HERC4: variants seen among roughly 807,000 people sequenced by gnomAD.
HERC4 encodes HECT and RLD domain containing E3 ubiquitin protein ligase 4.
In HERC4, 28 loss-of-function variants were observed where a neutral mutation model predicts 124.3. That is an observed-to-expected ratio of 0.23 (90% confidence interval 0.17 to 0.31). The LOEUF is 0.31. Among genes scored for constraint, HERC4 ranks in the 10% least tolerant of loss-of-function variants. The probability of loss-of-function intolerance (pLI) is 1.00; values close to 1 mark genes in which losing one functional copy is unlikely to be tolerated. For missense variants in HERC4, 713 were observed against 1,229.3 expected (o/e 0.58, Z 6.28); for synonymous variants, 407 against 421.5 (o/e 0.97, Z 0.42).
chr10:68,056,631 T>C (rs1397317864), intron 3 of HERC4, among the ~76,000 whole-genome samples: 2 of 152,102 alleles, frequency 1.3e-5, no homozygotes, highest in Non-Finnish European at 2.9e-5. Flanking sequence ...ACAGAGAAAC[T>C]GAAATATACC....
At chr10:67,925,446 T>A (rs1172454974) in intron 23 of HERC4, among the ~76,000 whole-genome samples, 1 of 152,168 alleles carries the variant, frequency 6.6e-6, no homozygotes, top group Non-Finnish European at 1.5e-5. Context: ...AAAGAGAAAC[T>A]AGATAAAATA....
Position 67,990,884 on chromosome 10 carries a change from A to G in HERC4, c.1443+20T>C, listed in dbSNP as rs2036515009. ...AAAATCAACAGATAATACTGTAAACATAATACTTTAAAAACAGACCTGCTG... is the reference window on the plus strand; with the variant it reads ...AAAATCAACAGATAATACTGTAAACGTAATACTTTAAAAACAGACCTGCTG... On this transcript the variant is annotated intron_variant, in intron 13 of 24. Coordinates refer to ENST00000373700, the MANE Select transcript of HERC4 (RefSeq NM_015601.4). 6.8e-7 allele frequency: 1 copy of G among 1,473,114 alleles called. No homozygotes were observed. Among genetic ancestry groups the G allele is most frequent in the Non-Finnish European group, 9.4e-7 (1 of 1,064,686 alleles). The allele number at this position is 1,473,114 out of a possible 1,614,324, so 91.3% of individuals were successfully genotyped here.
intron 19 of HERC4, among the ~76,000 whole-genome samples, chr10:67,946,722 C>T (rs776915046): frequency 1.3e-5 from 2 of 152,062 alleles, no homozygotes; most frequent in Admixed American, 6.6e-5. Flanking sequence ...TCCTGGCCAA[C>T]ATGGTGAAAC....
intron 9 of HERC4, among the ~76,000 whole-genome samples, chr10:68,001,863 A>T (rs2037252738): frequency 6.6e-6 from 1 of 152,174 alleles, no homozygotes; most frequent in Non-Finnish European, 1.5e-5. Context: ...GATTCATACA[A>T]GTTGCATAAT....
Position 67,966,430 on chromosome 10 carries a change from T to G in HERC4, c.1926+253A>C, listed in dbSNP as rs988388969. Reference sequence around the variant, plus strand: ...AAAAATCCATTTCACACTTGTAGGTTTTTTTTGTCTTGTTTTGTTTTGTTT... The same window carrying G: ...AAAAATCCATTTCACACTTGTAGGTGTTTTTTGTCTTGTTTTGTTTTGTTT... On this transcript the variant is annotated intron_variant, in intron 16 of 24. Transcript: ENST00000373700. 13 of 319,042 alleles carry G rather than the reference T, an allele frequency of 4.1e-5. 1 individual carries two copies. The Admixed American group carries it at 4.3e-4, about 11-fold the overall frequency. The allele number at this position is 319,042 out of a possible 1,614,324, so 19.8% of individuals were successfully genotyped here.
rs553518886 is a variant in HERC4 at position 68,022,549 on chromosome 10, A to T, written c.908+2997T>A. ...TAAATAAATAAATAAATAAAATTCA[A>T]ATAGATCAAAGACCTAAATGTAAAA... is the stretch of plus-strand genomic sequence containing the variant. On this transcript the variant is annotated intron_variant, in intron 8 of 24. Coordinates refer to ENST00000373700, the MANE Select transcript of HERC4 (RefSeq NM_015601.4). Among the ~76,000 whole-genome samples the T allele has an allele frequency of 5.3e-5, 8 of 149,576 alleles. No homozygotes were observed. In the South Asian group the frequency reaches 1.3e-3, roughly 24 times the overall value.
rs747650587 is a variant in HERC4, at chr10:67,932,576, CAGAGATTA to C, written c.2838+13_2838+20del. On this transcript the variant is annotated intron_variant, in intron 23 of 24. Coordinates refer to ENST00000373700, the MANE Select transcript of HERC4 (RefSeq NM_015601.4). The stretch of plus-strand genomic sequence containing the variant: ...TATAAATCTTTCCATTTAACAATAT[CAGAGATTA>C]GTTTTCCCCTACCTTTTCCAGTTCC... 1 of 1,581,366 alleles carries C rather than the reference CAGAGATTA, an allele frequency of 6.3e-7. No homozygotes were observed. Among genetic ancestry groups the C allele is most frequent in the Non-Finnish European group, 8.6e-7 (1 of 1,164,182 alleles).
intron 15 of HERC4, among the ~76,000 whole-genome samples, chr10:67,979,963 T>C (rs1187038051): frequency 1.3e-5 from 2 of 151,300 alleles, no homozygotes; most frequent in Non-Finnish European, 2.9e-5. Context: ...AAAACCTGTC[T>C]GAGAAAAAAA....
At chr10:67,949,859 A>G (rs1301433527) in intron 19 of HERC4, among the ~76,000 whole-genome samples, 1 of 152,070 alleles carries the variant, frequency 6.6e-6, no homozygotes, top group Middle Eastern at 3.2e-3. Context: ...CTCTACCAAC[A>G]ATATAAAAAA....
chr10:68,059,474 T>TATATATTATA (rs1285541465), intron 3 of HERC4, among the ~76,000 whole-genome samples: 6 of 127,668 alleles, frequency 4.7e-5, no homozygotes, highest in African/African-American at 1.3e-4. Flanking sequence ...TATTATATAT[T>TATATATTATA]ATAATATTAT....
intron 23 of HERC4, among the ~76,000 whole-genome samples, chr10:67,927,622 T>G (rs1018740668): frequency 6.6e-6 from 1 of 151,522 alleles, no homozygotes; most frequent in Admixed American, 6.6e-5. Flanking sequence ...GACGGGGGTT[T>G]CACTATGTTG....
intron 4 of HERC4, chr10:68,040,269 A>G: frequency 3.1e-6 from 3 of 982,318 alleles, no homozygotes; most frequent in Non-Finnish European, 2.4e-6. Flanking sequence ...TTTTACCATT[A>G]TATGCTACAG....
intron 23 of HERC4, among the ~76,000 whole-genome samples, chr10:67,927,410 A>T (rs1274135276): frequency 2.1e-4 from 2 of 9,438 alleles, no homozygotes; most frequent in African/African-American, 2.9e-4. Flanking sequence ...ATATATATAT[A>T]TATATATATA....
intron 16 of HERC4, chr10:67,961,231 A>T (rs2034497490): frequency 6.2e-6 from 1 of 161,178 alleles, no homozygotes; most frequent in African/African-American, 2.4e-5. Flanking sequence ...GAATTTTTAA[A>T]ATGCAATTTC....
At chr10:67,989,012 C>T (rs1410063281) in intron 14 of HERC4, among the ~76,000 whole-genome samples, 177 bp from the exon 15 acceptor site, 1 of 151,842 alleles carries the variant, frequency 6.6e-6, no homozygotes, top group African/African-American at 2.4e-5. Flanking sequence ...CTCCCCCCGA[C>T]CAAGTTAAAC....
intron 16 of HERC4, among the ~76,000 whole-genome samples, chr10:67,964,445 C>A (rs1044911209): frequency 6.6e-6 from 1 of 152,092 alleles, no homozygotes; most frequent in Non-Finnish European, 1.5e-5. Flanking sequence ...CTCCAAGATT[C>A]CCTTTTATCT....
intron 5 of HERC4, among the ~76,000 whole-genome samples, chr10:68,037,711 A>T (rs1589389222): frequency 6.6e-6 from 1 of 152,208 alleles, no homozygotes; most frequent in Non-Finnish European, 1.5e-5. Flanking sequence ...CAAAAAATCA[A>T]ATACCTAGGG....
intron 7 of HERC4, among the ~76,000 whole-genome samples, chr10:68,029,052 T>A (rs2039053062): frequency 1.3e-5 from 2 of 151,954 alleles, no homozygotes; most frequent in South Asian, 4.2e-4. Flanking sequence ...GTGGCGCCCG[T>A]AGCTCCAGCT....
rs544365060 is a variant in HERC4 at position 68,028,929 on chromosome 10, G to T, written c.778-3253C>A. Among the ~76,000 whole-genome samples, 97 of 152,214 alleles carry T rather than the reference G, an allele frequency of 6.4e-4. No homozygotes were observed. The Middle Eastern group carries it at 0.01, about 16-fold the overall frequency. On this transcript the variant is annotated intron_variant, in intron 7 of 24. Coordinates refer to ENST00000373700, the MANE Select transcript of HERC4 (RefSeq NM_015601.4). ...TGCACACTTGTAATTCCAGCATTTT[G>T]GGGGGCTGAGGTGGGAGGCTCGCTT...
Sources: allele counts gnomAD v4.1 joint callset (sites outside exome capture counted in the v4.1 genomes callset), GRCh38; gene constraint gnomAD v4.1.1; transcripts MANE v1.5; gene names NCBI Gene and HGNC (gene_info 2026-07-23, HGNC 2026-07-21).